CAMTA1: variants seen among roughly 807,000 people sequenced by gnomAD.
CAMTA1 encodes the protein calmodulin binding transcription activator 1.
Under a neutral mutation model 170.9 loss-of-function variants are expected in CAMTA1, and 27 were observed. That is an observed-to-expected ratio of 0.16 (90% CI 0.12 to 0.22). The LOEUF (loss-of-function observed/expected upper bound fraction) is 0.22. Ranked by LOEUF, CAMTA1 falls within the 10% of genes least tolerant of loss-of-function variation. The probability of loss-of-function intolerance (pLI) is 1.00; values close to 1 mark genes in which losing one functional copy is unlikely to be tolerated. For synonymous variants in CAMTA1, 833 were observed against 891.5 expected, an observed-to-expected ratio of 0.93 and a Z score of 1.17; for missense variants, 1,619 against 2,217.2, an observed-to-expected ratio of 0.73 and a Z score of 5.42.
At chr1:7,729,219 C>T (rs770987306) in intron 11 of CAMTA1, among the ~76,000 whole-genome samples, 2 of 151,154 alleles carry the variant, frequency 1.3e-5, no homozygotes, top group East Asian at 2.0e-4. Flanking sequence ...TGAGTTCAAG[C>T]GATTTTCCTG....
rs1354622600 is a variant in CAMTA1 at position 7,634,864 on chromosome 1, G to A, written c.511-5536G>A. 6.6e-6 allele frequency among the ~76,000 whole-genome samples: 1 copy of A among 152,152 alleles called. No individual in the cohort carries two copies. Among genetic ancestry groups the A allele is most frequent in the African/African-American group, 2.4e-5 (1 of 41,436 alleles). On this transcript the variant is annotated intron_variant, in intron 6 of 22. Transcript: ENST00000303635. This position sits in a 1 kb window ranked among gnomAD's most constrained non-coding sequence, Gnocchi z 6.2. ...CCTGACGACATTCCAGCTGTTCCGA[G>A]GCCTGACCCTGCTCCCTGCAGCAGC...
intron 5 of CAMTA1, among the ~76,000 whole-genome samples, chr1:7,290,379 C>T (rs944920872): frequency 2.0e-5 from 3 of 152,132 alleles, no homozygotes; most frequent in Non-Finnish European, 4.4e-5. Flanking sequence ...AGTGCATGTC[C>T]CTGAGTTTTA....
At chr1:7,538,916 A>G (rs914677922) in intron 6 of CAMTA1, among the ~76,000 whole-genome samples, 1 of 152,132 alleles carries the variant, frequency 6.6e-6, no homozygotes, top group African/African-American at 2.4e-5. Flanking sequence ...ACTTCCTGAA[A>G]ATGTACCCAA....
chr1:7,646,105 A>G lies in CAMTA1; in HGVS notation c.664+5552A>G, dbSNP rs553018438. Reference sequence around the variant, plus strand: ...GTGGAGGCCATGGTGAGTTGGGTGGAGGCCCTGGTAAGTGTGAGCGGAGGC... The same window carrying G: ...GTGGAGGCCATGGTGAGTTGGGTGGGGGCCCTGGTAAGTGTGAGCGGAGGC... On this transcript the variant is annotated intron_variant, in intron 7 of 22. Coordinates refer to ENST00000303635, the MANE Select transcript of CAMTA1 (RefSeq NM_015215.4). 9.6e-4 allele frequency among the ~76,000 whole-genome samples: 141 copies of G among 147,406 alleles called. 1 individual carries two copies. The highest frequency in any genetic ancestry group is 3.5e-3 in the African/African-American group (139 of 39,400).
chr1:7,180,695 A>G (rs780386485), intron 4 of CAMTA1, among the ~76,000 whole-genome samples: 8 of 151,634 alleles, frequency 5.3e-5, no homozygotes, highest in Non-Finnish European at 8.8e-5. Context: ...TATATTTTTT[A>G]TAGAGACGGA....
intron 1 of CAMTA1, among the ~76,000 whole-genome samples, chr1:6,809,066 G>A (rs923842609): frequency 3.4e-5 from 5 of 145,608 alleles, no homozygotes; most frequent in East Asian, 4.0e-4. Context: ...CACTCTTGTC[G>A]CCCAGGCTGC....
chr1:7,060,677 C>T (rs559665358), intron 3 of CAMTA1, among the ~76,000 whole-genome samples: 1 of 152,008 alleles, frequency 6.6e-6, no homozygotes, highest in African/African-American at 2.4e-5. Context: ...GAGGTGCTCA[C>T]GGCCCTGCGG....
intron 6 of CAMTA1, among the ~76,000 whole-genome samples, chr1:7,523,969 G>A (rs1406621296): frequency 2.0e-5 from 3 of 152,128 alleles, no homozygotes; most frequent in Non-Finnish European, 4.4e-5. Context: ...TTGGGAAGCT[G>A]AGGCGGGTGG....
intron 3 of CAMTA1, among the ~76,000 whole-genome samples, chr1:6,917,569 A>G: frequency 6.6e-6 from 1 of 150,772 alleles, no homozygotes; most frequent in Non-Finnish European, 1.5e-5. Context: ...GGGTGGGGGG[A>G]AGGGAGGCGT....
Position 7,090,938 on chromosome 1 carries a change from C to G in CAMTA1, c.235-366C>G, listed in dbSNP as rs1035320955. On this transcript the variant is annotated intron_variant, in intron 3 of 22. Transcript: ENST00000303635. ...CAGCTTCAGAAAAGGACGAAACTTT[C>G]CAATTATGGTCTCGCATCGTGGAGA... Among the ~76,000 whole-genome samples the G allele has an allele frequency of 1.1e-4, 17 of 152,292 alleles. 1 individual carries two copies. Among genetic ancestry groups the G allele is most frequent in the Non-Finnish European group, 2.2e-4 (15 of 68,026 alleles).
At chr1:7,171,031 A>G (rs903541372) in intron 4 of CAMTA1, among the ~76,000 whole-genome samples, 1 of 152,226 alleles carries the variant, frequency 6.6e-6, no homozygotes, top group Admixed American at 6.5e-5. Flanking sequence ...AGTTTGACCT[A>G]TACTGAGAAA....
intron 6 of CAMTA1, among the ~76,000 whole-genome samples, chr1:7,472,233 G>T (rs1426137633): frequency 6.6e-6 from 1 of 152,142 alleles, no homozygotes; most frequent in African/African-American, 2.4e-5. Context: ...GAGACCACAG[G>T]ACAGGGTGGC....
rs921274911 is a variant in CAMTA1 at position 7,063,139 on chromosome 1, T to C, written c.235-28165T>C. Among the ~76,000 whole-genome samples, 1 of 152,220 alleles carries C rather than the reference T, an allele frequency of 6.6e-6. No homozygotes were observed. Among genetic ancestry groups the C allele is most frequent in the African/African-American group, 2.4e-5 (1 of 41,458 alleles). ...GAGGCAGAAAACGTCGCCGACTTAC[T>C]CACCATTGTGTTCCCAGCATCTCTG... On this transcript the variant is annotated intron_variant, in intron 3 of 22. Transcript: ENST00000303635. The surrounding 1 kb of genome is among the most constrained non-coding windows in gnomAD (Gnocchi z 4.3).
intron 5 of CAMTA1, among the ~76,000 whole-genome samples, chr1:7,401,136 T>G (rs532559927): frequency 6.6e-6 from 1 of 152,372 alleles, no homozygotes; most frequent in African/African-American, 2.4e-5. Flanking sequence ...TTTCTAGTTT[T>G]ATAATTTTAT....
chr1:7,204,480 T>C (rs999510217), intron 4 of CAMTA1, among the ~76,000 whole-genome samples: 1 of 152,216 alleles, frequency 6.6e-6, no homozygotes, highest in Non-Finnish European at 1.5e-5. Context: ...CCATTGTTTT[T>C]CTGCTACTGA....
chr1:6,983,954 G>A (rs1435700587), intron 3 of CAMTA1, among the ~76,000 whole-genome samples: 1 of 150,362 alleles, frequency 6.7e-6, no homozygotes, highest in Non-Finnish European at 1.5e-5. Flanking sequence ...ATCGAGGGTT[G>A]GGGGTGGATA....
chr1:7,056,601 C>T (rs1053664356), intron 3 of CAMTA1, among the ~76,000 whole-genome samples: 2 of 152,052 alleles, frequency 1.3e-5, no homozygotes, highest in Non-Finnish European at 1.5e-5. Flanking sequence ...GTCTTTGGTG[C>T]TGGGAAAAAC....
intron 3 of CAMTA1, among the ~76,000 whole-genome samples, chr1:6,956,755 C>T (rs1206489861): frequency 6.6e-6 from 1 of 152,162 alleles, no homozygotes; most frequent in Non-Finnish European, 1.5e-5. Context: ...ACAAAGGGCT[C>T]AGTGTTGGCC....
At chr1:7,742,765 A>C (rs2096827824) in intron 16 of CAMTA1, among the ~76,000 whole-genome samples, 1 of 152,226 alleles carries the variant, frequency 6.6e-6, no homozygotes, top group African/African-American at 2.4e-5. Context: ...AAAAAGAATA[A>C]AGCAAGATTT....
Sources: allele counts gnomAD v4.1 joint callset (sites outside exome capture counted in the v4.1 genomes callset), GRCh38; gene constraint gnomAD v4.1.1; non-coding constraint Gnocchi (gnomAD v3.1); transcripts MANE v1.5; gene names NCBI Gene and HGNC (gene_info 2026-07-23, HGNC 2026-07-21).